TRIM24: variants seen among roughly 807,000 people sequenced by gnomAD.
TRIM24 encodes the protein transcription intermediary factor 1-alpha.
TRIM24 carries 29 observed loss-of-function variants against 123.9 expected under a neutral mutation model. The ratio of observed to expected loss-of-function variants is 0.23; its 90% CI spans 0.17 to 0.32. TRIM24 has a LOEUF of 0.32. Ranked by LOEUF, TRIM24 falls within the 10% of genes least tolerant of loss-of-function variation. TRIM24 has a pLI of 1.00. For missense variants in TRIM24, 932 were observed against 1,295.3 expected (o/e 0.72, Z 4.31); for synonymous variants, 456 against 461.1 (o/e 0.99, Z 0.14).
At chr7:138,532,472 A>C (rs1796768861) in intron 6 of TRIM24, among the ~76,000 whole-genome samples, 1 of 152,192 alleles carries the variant, frequency 6.6e-6, no homozygotes, top group Non-Finnish European at 1.5e-5. Context: ...TTGAATAGGG[A>C]ATCCTTTCCC....
At chr7:138,477,301 C>A (rs745537883) in intron 1 of TRIM24, among the ~76,000 whole-genome samples, 1 of 151,888 alleles carries the variant, frequency 6.6e-6, no homozygotes, top group South Asian at 2.1e-4. Flanking sequence ...GCCTGGGAGA[C>A]AAACAGAGAC....
chr7:138,539,207 GATT>G (rs1017318753), intron 7 of TRIM24, among the ~76,000 whole-genome samples: 11 of 152,038 alleles, frequency 7.2e-5, no homozygotes, highest in African/African-American at 2.7e-4. Context: ...TAAGGCATGT[GATT>G]ATGTAACATG....
At chr7:138,584,657 C>A in intron 18 of TRIM24, 85 bp from the exon 19 acceptor site, 1 of 1,127,904 alleles carries the variant, frequency 8.9e-7, no homozygotes, top group Non-Finnish European at 1.2e-6. Context: ...TGCATGAACA[C>A]TTTTCAAAAC....
intron 2 of TRIM24, among the ~76,000 whole-genome samples, chr7:138,509,701 CAAAA>C (rs538243079): frequency 1.5e-5 from 1 of 67,878 alleles, no homozygotes; most frequent in Admixed American, 1.9e-4. Flanking sequence ...GACTCTGTCT[CAAAA>C]AAAAAAAAAA....
intron 8 of TRIM24, among the ~76,000 whole-genome samples, chr7:138,553,988 T>A (rs1009446718): frequency 1.3e-5 from 2 of 152,220 alleles, no homozygotes; most frequent in African/African-American, 4.8e-5. Context: ...AAGTAGTTTA[T>A]ATAGCACTTA....
intron 5 of TRIM24, among the ~76,000 whole-genome samples, chr7:138,527,735 A>T (rs1796638655): frequency 6.6e-6 from 1 of 152,160 alleles, no homozygotes; most frequent in Non-Finnish European, 1.5e-5. Context: ...TTTCTATAAG[A>T]TATTCTGGTG....
intron 4 of TRIM24, among the ~76,000 whole-genome samples, chr7:138,521,288 G>C (rs879211557): frequency 3.3e-5 from 5 of 152,176 alleles, no homozygotes; most frequent in Admixed American, 3.3e-4. Context: ...ATATCTTGTT[G>C]ATGTGGTGTG....
intron 9 of TRIM24, among the ~76,000 whole-genome samples, chr7:138,563,331 A>C (rs1563061165): frequency 6.6e-6 from 1 of 151,708 alleles, no homozygotes; most frequent in East Asian, 1.9e-4. Flanking sequence ...CTGGACACTG[A>C]TTTTTTCCAG....
chr7:138,505,873 C>G lies in TRIM24; in HGVS notation c.483+1465C>G, dbSNP rs945515571. Among the ~76,000 whole-genome samples, 3 of 152,098 alleles carry G rather than the reference C, an allele frequency of 2.0e-5. No individual in the cohort carries two copies. In the East Asian group the frequency reaches 5.8e-4, roughly 29 times the overall value. On this transcript the variant is annotated intron_variant, in intron 2 of 18. Coordinates refer to ENST00000343526, the MANE Select transcript of TRIM24 (RefSeq NM_015905.3). ...TCTATAGTACTCCAGTGGGGGTTAG[C>G]CATGTTGAGATTAATTCTACAGTTT...
chr7:138,495,184 A>G (rs1795875934), intron 1 of TRIM24, among the ~76,000 whole-genome samples: 1 of 152,216 alleles, frequency 6.6e-6, no homozygotes, highest in African/African-American at 2.4e-5. Flanking sequence ...TGAGTGATAA[A>G]GATGGAAGAG....
intron 1 of TRIM24, among the ~76,000 whole-genome samples, chr7:138,497,388 A>G (rs1795933026): frequency 7.1e-6 from 1 of 141,480 alleles, no homozygotes; most frequent in Non-Finnish European, 1.5e-5. Context: ...TTTCAATTAC[A>G]ATTTCTTTTT....
chr7:138,492,273 CAAAAAAAA>C (rs34380067), intron 1 of TRIM24, among the ~76,000 whole-genome samples: 5 of 60,008 alleles, frequency 8.3e-5, no homozygotes, highest in Non-Finnish European at 8.4e-5. Flanking sequence ...ACTCTGTCTC[CAAAAAAAA>C]AAAAAAAAAA....
At chr7:138,515,507 T>A in intron 3 of TRIM24, 148 bp downstream of exon 3, 1 of 981,110 alleles carries the variant, frequency 1.0e-6, no homozygotes, top group Non-Finnish European at 1.4e-6. Flanking sequence ...GAAATTTAAG[T>A]ACTTACAAAT....
intron 5 of TRIM24, among the ~76,000 whole-genome samples, chr7:138,528,560 G>A (rs1796660418): frequency 6.6e-6 from 1 of 151,476 alleles, no homozygotes; most frequent in African/African-American, 2.4e-5. Context: ...AGAAGTATGT[G>A]GTTGATAAAA....
At position 138,578,567 on chromosome 7, in the gene TRIM24, C is replaced by T. The variant is rs375561215; in HGVS notation, c.2257-637C>T. 3.0e-3 allele frequency among the ~76,000 whole-genome samples: 356 copies of T among 120,522 alleles called. 1 individual carries two copies. Among genetic ancestry groups the T allele is most frequent in the African/African-American group, 9.5e-3 (339 of 35,500 alleles). 79.1% of individuals were successfully genotyped at this position (120,522 alleles called of 152,430 possible). Reference sequence around the variant, plus strand: ...GTGTGTGTGTGTGTGTGTGTGTGCGCGCACGCACGAATGGAAGCAGGACGG... The same window carrying T: ...GTGTGTGTGTGTGTGTGTGTGTGCGTGCACGCACGAATGGAAGCAGGACGG... On this transcript the variant is annotated intron_variant, in intron 14 of 18. Transcript: ENST00000343526.
At chr7:138,480,593 A>G (rs943738847) in intron 1 of TRIM24, among the ~76,000 whole-genome samples, 1 of 152,002 alleles carries the variant, frequency 6.6e-6, no homozygotes, top group Non-Finnish European at 1.5e-5. Context: ...CTGTTCGTAT[A>G]TGTGAGTCCT....
At chr7:138,559,925 T>C (rs1406988342) in intron 9 of TRIM24, among the ~76,000 whole-genome samples, 4 of 152,204 alleles carry the variant, frequency 2.6e-5, no homozygotes, top group Non-Finnish European at 5.9e-5. Context: ...CATTCTTTCC[T>C]GTACCCAGCC....
Position 138,567,535 on chromosome 7 carries a change from C to G in TRIM24, c.1585C>G (p.Pro529Ala). Reference sequence around the variant, plus strand: ...GAATCACAGCCCCAAACCCAATGGACCAGTTCTTCCTCCTCATCCTCAACA... The same window carrying G: ...GAATCACAGCCCCAAACCCAATGGAGCAGTTCTTCCTCCTCATCCTCAACA... The part of the protein sequence containing the change: ...FQNHSPKPNG[P>A]VLPPHPQQLR... Residue 529 changes from proline to alanine, a missense_variant, in exon 10 of 19, where the codon CCA (proline) becomes GCA (alanine). Pro to Ala is a conservative substitution (Grantham distance 27). Around this residue, in one of 7 missense-constraint regions of TRIM24, gnomAD observed 527 missense variants for 691.3 expected, o/e 0.76. Transcript: ENST00000343526. 6.2e-7 allele frequency: 1 copy of G among 1,613,970 alleles called. No homozygotes were observed. The highest frequency in any genetic ancestry group is 2.2e-5 in the East Asian group (1 of 44,840).
intron 7 of TRIM24, among the ~76,000 whole-genome samples, chr7:138,545,970 A>G (rs184926302): frequency 2.0e-5 from 3 of 152,256 alleles, no homozygotes; most frequent in Non-Finnish European, 4.4e-5. Context: ...TAACAAAACT[A>G]AAAGTTATAG....
Sources: gnomAD v4.1 joint callset for allele counts (sites outside exome capture counted in the v4.1 genomes callset) on GRCh38, gnomAD v4.1.1 for gene constraint, gnomAD v4.1.1 regional missense constraint, MANE v1.5 for transcripts, NCBI Gene and HGNC (gene_info 2026-07-23, HGNC 2026-07-21) for gene names.